The following HHIPL1 variants were observed in gnomAD, a reference collection of about 807,000 sequenced individuals.
The protein encoded by HHIPL1 is HHIP like 1, also known as HHIP-like protein 1.
A neutral mutation model predicts 61.8 loss-of-function variants in HHIPL1; 43 were observed. The observed-to-expected ratio is 0.70, with a 90% CI of 0.55 to 0.90. HHIPL1 has a LOEUF of 0.90. Ranked by LOEUF, HHIPL1 falls within the 40% of genes least tolerant of loss-of-function variation. The pLI, the probability that HHIPL1 is intolerant of heterozygous loss-of-function variation, is 0.00. For synonymous variants in HHIPL1, 482 were observed against 515.8 expected, an observed-to-expected ratio of 0.93 and a Z score of 0.89; for missense variants, 1,056 against 1,157.7, an observed-to-expected ratio of 0.91 and a Z score of 1.28.
At chr14:99,629,479 G>A in the HHIPL1 span, among the ~76,000 whole-genome samples, 2 of 151,216 alleles carry the variant, frequency 1.3e-5, no homozygotes, top group African/African-American at 4.9e-5. Context: ...GGAGGGACCC[G>A]TGTTCACTGA....
At chr14:99,609,723 C>T in the HHIPL1 span, among the ~76,000 whole-genome samples, 1 of 152,242 alleles carries the variant, frequency 6.6e-6, no homozygotes, top group South Asian at 2.1e-4. Context: ...TGTTAACCAT[C>T]GTGCCAGGCA....
the HHIPL1 span, among the ~76,000 whole-genome samples, chr14:99,630,820 G>A: frequency 6.6e-6 from 1 of 152,162 alleles, no homozygotes; most frequent in Non-Finnish European, 1.5e-5. Context: ...CTACAAAGTC[G>A]ATATTCTGTC....
chr14:99,645,252 C>G lies in HHIPL1; in HGVS notation c.45C>G (p.Leu15=), dbSNP rs1190762723. ...GGGCGCTGCTGGCGCTTTGGGTGCT[C>G]GGGGCCGCCGCGCATCCGCAGTGCC... ...RAGALLALWV[L]GAAAHPQCLD... The change falls in exon 1 of 9, where the codon CTC becomes CTG. Residue 15 remains leucine (L), a synonymous_variant. Transcript: ENST00000330710. The G allele has an allele frequency of 1.4e-6, 2 of 1,380,186 alleles. No individual in the cohort carries two copies. The highest frequency in any genetic ancestry group is 1.5e-5 in the African/African-American group (1 of 66,258). 85.5% of individuals were successfully genotyped at this position (1,380,186 alleles called of 1,614,324 possible). A position where few individuals can be genotyped will look rare whatever the true frequency, so the allele number is the denominator to read the frequency against.
At chr14:99,626,512 C>A in the HHIPL1 span, among the ~76,000 whole-genome samples, 3,448 of 152,290 alleles carry the variant, frequency 0.023, 49 homozygotes, top group Non-Finnish European at 0.035. Context: ...AACGCCAAAG[C>A]CTGGAGGTCA....
chr14:99,660,133 GCCCTGCTGTGGGC>G lies in HHIPL1; in HGVS notation c.1376-146_1376-134del. The G allele has an allele frequency of 4.6e-6, 3 of 656,154 alleles. No individual in the cohort carries two copies. Among genetic ancestry groups the G allele is most frequent in the Non-Finnish European group, 4.5e-6 (2 of 447,188 alleles). The allele number at this position is 656,154 out of a possible 1,614,324, so 40.6% of individuals were successfully genotyped here. A position where few individuals can be genotyped will look rare whatever the true frequency, so the allele number is the denominator to read the frequency against. On this transcript the variant is annotated intron_variant, in intron 4 of 8. Transcript: ENST00000330710. This position sits in a 1 kb window ranked among gnomAD's most constrained non-coding sequence, Gnocchi z 4.9. The stretch of plus-strand genomic sequence containing the variant: ...TGCAGACACGCTTTCCACCACGCCA[GCCCTGCTGTGGGC>G]ACGCCAGCCCTGCTGTGGGCACGCC...
chr14:99,626,720 A>T, the HHIPL1 span, among the ~76,000 whole-genome samples: 2 of 152,256 alleles, frequency 1.3e-5, no homozygotes, highest in African/African-American at 4.8e-5. Context: ...TCTCTCCCTG[A>T]TGTGTGCCCT....
Position 99,645,267 on chromosome 14 carries a change from T to C in HHIPL1, c.60T>C (p.His20=). 1 of 1,416,700 alleles carries C rather than the reference T, an allele frequency of 7.1e-7. No individual in the cohort carries two copies. The highest frequency in any genetic ancestry group is 9.2e-7 in the Non-Finnish European group (1 of 1,088,250). 87.8% of individuals were successfully genotyped at this position (1,416,700 alleles called of 1,614,324 possible). A position where few individuals can be genotyped will look rare whatever the true frequency, so the allele number is the denominator to read the frequency against. ...TTTGGGTGCTCGGGGCCGCCGCGCA[T>C]CCGCAGTGCCTGGACTTCAGGCCGC... The part of the protein sequence containing the change: ...LALWVLGAAA[H]PQCLDFRPPF... The change falls in exon 1 of 9, where the codon CAT becomes CAC. Residue 20 remains histidine (H), a synonymous_variant. Coordinates refer to ENST00000330710, the MANE Select transcript of HHIPL1 (RefSeq NM_001127258.3).
chr14:99,607,507 C>T, the HHIPL1 span, among the ~76,000 whole-genome samples: 1 of 152,118 alleles, frequency 6.6e-6, no homozygotes, highest in Non-Finnish European at 1.5e-5. Flanking sequence ...GAGCCACACA[C>T]ATTTGTGAGA....
the HHIPL1 span, among the ~76,000 whole-genome samples, chr14:99,639,492 ACAC>A: frequency 1.1e-4 from 16 of 151,568 alleles, no homozygotes; most frequent in East Asian, 1.2e-3. Flanking sequence ...CTATAGGCAC[ACAC>A]CACCACACCC....
chr14:99,637,220 GAAA>G, the HHIPL1 span, among the ~76,000 whole-genome samples: 1 of 129,174 alleles, frequency 7.7e-6, no homozygotes, highest in South Asian at 2.5e-4. Context: ...AAGAAAGAAA[GAAA>G]GAAAGAAAGA....
At chr14:99,672,159 T>C (rs530690100) in intron 7 of HHIPL1, among the ~76,000 whole-genome samples, 158 bp from the exon 8 acceptor site, 2 of 152,312 alleles carry the variant, frequency 1.3e-5, no homozygotes, top group Non-Finnish European at 2.9e-5. Flanking sequence ...CCTGGGGGCA[T>C]GGAGTGGGCA....
At chr14:99,637,248 GAAA>G in the HHIPL1 span, among the ~76,000 whole-genome samples, 12 of 146,642 alleles carry the variant, frequency 8.2e-5, no homozygotes, top group African/African-American at 2.6e-4. Context: ...AAGAAAGAAA[GAAA>G]GAAAGAAAGA....
At chr14:99,647,921 G>A (rs1466971557) in intron 1 of HHIPL1, among the ~76,000 whole-genome samples, 1 of 152,322 alleles carries the variant, frequency 6.6e-6, no homozygotes, top group Non-Finnish European at 1.5e-5. Context: ...TGCATCTGGT[G>A]TGAGCTTCCA....
At chr14:99,606,660 G>A in the HHIPL1 span, among the ~76,000 whole-genome samples, 2 of 152,234 alleles carry the variant, frequency 1.3e-5, no homozygotes, top group African/African-American at 4.8e-5. Context: ...GGGTTTGTTT[G>A]CGTCATCTAC....
At chr14:99,634,687 G>A in the HHIPL1 span, among the ~76,000 whole-genome samples, 1 of 152,176 alleles carries the variant, frequency 6.6e-6, no homozygotes, top group East Asian at 1.9e-4. Context: ...GGCTCAGCCA[G>A]GGCCTTCTCT....
intron 2 of HHIPL1, among the ~76,000 whole-genome samples, chr14:99,655,654 G>T (rs1315225418): frequency 6.6e-6 from 1 of 152,122 alleles, no homozygotes; most frequent in Non-Finnish European, 1.5e-5. Flanking sequence ...AAGGGATTGA[G>T]AAATCAGTGA....
At chr14:99,666,940 C>T (rs1830518719) in intron 6 of HHIPL1, among the ~76,000 whole-genome samples, 1 of 152,238 alleles carries the variant, frequency 6.6e-6, no homozygotes, top group African/African-American at 2.4e-5. Flanking sequence ...CCTCAAGTGC[C>T]TTCCCTTTGC....
upstream of HHIPL1, among the ~76,000 whole-genome samples, chr14:99,644,676 A>G (rs539351633): frequency 5.3e-3 from 801 of 152,156 alleles, 6 homozygotes; most frequent in South Asian, 0.011. Flanking sequence ...GACTGCGGAG[A>G]CTGCTCCGTC....
At chr14:99,631,104 C>CTTTCTT in the HHIPL1 span, among the ~76,000 whole-genome samples, 2 of 136,172 alleles carry the variant, frequency 1.5e-5, no homozygotes, top group Middle Eastern at 3.7e-3. Flanking sequence ...TTCTTTCTTT[C>CTTTCTT]TTTCTCTCTC....
Sources: gnomAD v4.1 joint callset for allele counts (sites outside exome capture counted in the v4.1 genomes callset) on GRCh38, gnomAD v4.1.1 for gene constraint, Gnocchi (gnomAD v3.1) non-coding constraint, MANE v1.5 for transcripts, NCBI Gene and HGNC (gene_info 2026-07-23, HGNC 2026-07-21) for gene names.